Variants in THADA observed in about 807,000 individuals in gnomAD.
THADA encodes the protein THADA armadillo repeat containing, also known as tRNA (32-2'-O)-methyltransferase regulator THADA.
A neutral mutation model predicts 219.8 loss-of-function variants in THADA; 213 were observed. The observed-to-expected ratio is 0.97, with a 90% CI of 0.87 to 1.09. The LOEUF (loss-of-function observed/expected upper bound fraction) is 1.09. Ranked by LOEUF, THADA falls within the 50% of genes least tolerant of loss-of-function variation. THADA has a pLI of 0.00. For missense variants in THADA, 2,956 were observed against 2,311.3 expected, an observed-to-expected ratio of 1.28 and a Z score of -5.72; for synonymous variants, 1,018 against 828.9, an observed-to-expected ratio of 1.23 and a Z score of -3.92.
chr2:43,363,646 G>A (rs79173987), intron 29 of THADA, among the ~76,000 whole-genome samples: 2 of 152,316 alleles, frequency 1.3e-5, no homozygotes, highest in Non-Finnish European at 2.9e-5. Context: ...GAAAGACTGA[G>A]TTCAGCTTAG....
rs368833762 is a variant in THADA at position 43,586,831 on chromosome 2, G to C, written c.451+23C>G. Reference sequence around the variant, plus strand: ...TGATGAGAGGGGTTAGCCAGAAAAAGGACTAGAAAAGTGCAGCCTTACCCA... The same window carrying C: ...TGATGAGAGGGGTTAGCCAGAAAAACGACTAGAAAAGTGCAGCCTTACCCA... On this transcript the variant is annotated intron_variant, in intron 5 of 37. Coordinates refer to ENST00000405975, the MANE Select transcript of THADA (RefSeq NM_022065.5). 1.9e-6 allele frequency: 3 copies of C among 1,612,098 alleles called. No individual in the cohort carries two copies. The African/African-American group carries it at 4.0e-5, about 22-fold the overall frequency.
intron 22 of THADA, among the ~76,000 whole-genome samples, chr2:43,514,436 G>A (rs937952545): frequency 2.1e-5 from 3 of 143,062 alleles, no homozygotes; most frequent in African/African-American, 7.8e-5. Context: ...GGGTGACAGA[G>A]TGAGACCCTG....
chr2:43,291,482 A>AAAAAAAAAAAAAG (rs1674711254), intron 34 of THADA, among the ~76,000 whole-genome samples: 1 of 142,204 alleles, frequency 7.0e-6, no homozygotes, highest in African/African-American at 2.7e-5. Flanking sequence ...AAAAAAAAAA[A>AAAAAAAAAAAAAG]TCCTAAAACA....
intron 30 of THADA, 37 bp downstream of exon 30, chr2:43,344,085 C>G (rs754576176): frequency 7.0e-7 from 1 of 1,438,724 alleles, no homozygotes; most frequent in Non-Finnish European, 9.7e-7. Context: ...ATTCCTAACC[C>G]CTGATAACTC....
chr2:43,393,401 C>T (rs1475182330), intron 29 of THADA, among the ~76,000 whole-genome samples: 1 of 152,126 alleles, frequency 6.6e-6, no homozygotes, highest in African/African-American at 2.4e-5. Flanking sequence ...GGAACACAGG[C>T]TTTAGAGTTT....
rs764049490 is a variant in THADA, at chr2:43,541,180, A to G, written c.3243T>C (p.Asp1081=). Residue 1081 remains aspartate, a synonymous_variant, in exon 21 of 38, where the codon GAT becomes GAC. Transcript: ENST00000405975. ...TTACCTGCTCCACCGTCAATAATCC[A>G]TCAGAAGATTCTGGCACAGGCTGCA... is the stretch of plus-strand genomic sequence containing the variant. ...LPMQPVPESS[D]GLLTVEQVKE... 6.3e-7 allele frequency: 1 copy of G among 1,595,030 alleles called. No individual in the cohort carries two copies. Among genetic ancestry groups the G allele is most frequent in the Non-Finnish European group, 8.5e-7 (1 of 1,173,864 alleles).
chr2:43,527,598 T>A (rs1405885503), intron 22 of THADA, among the ~76,000 whole-genome samples: 1 of 148,148 alleles, frequency 6.8e-6, no homozygotes. Flanking sequence ...TTTCATTCAA[T>A]AAAAAAAAAA....
At chr2:43,305,950 TTCCC>T (rs956417220) in intron 31 of THADA, among the ~76,000 whole-genome samples, 49 of 146,626 alleles carry the variant, frequency 3.3e-4, no homozygotes, top group East Asian at 2.2e-3. Flanking sequence ...CCCTCCCTTC[TTCCC>T]TCCCTCCCTC....
chr2:43,423,935 A>G (rs1175668596), intron 28 of THADA, among the ~76,000 whole-genome samples: 2 of 152,206 alleles, frequency 1.3e-5, no homozygotes, highest in Non-Finnish European at 2.9e-5. Flanking sequence ...TTTTTAAAGC[A>G]TGAATTATTC....
chr2:43,566,190 C>CTTG, intron 15 of THADA: 1 of 392,458 alleles, frequency 2.5e-6, no homozygotes, highest in Non-Finnish European at 4.5e-6. Context: ...GAGAACCACA[C>CTTG]AGAAGGAAAA....
chr2:43,282,208 T>C (rs908213058), intron 35 of THADA, among the ~76,000 whole-genome samples: 1 of 152,226 alleles, frequency 6.6e-6, no homozygotes, highest in Non-Finnish European at 1.5e-5. Flanking sequence ...TTAACTTTAC[T>C]GGAGAAGCTT....
Position 43,560,337 on chromosome 2 carries a change from C to T in THADA, c.2360G>A (p.Arg787His), listed in dbSNP as rs763097281. The T allele has an allele frequency of 1.7e-5, 28 of 1,611,684 alleles. No homozygotes were observed. Among genetic ancestry groups the T allele is most frequent in the Admixed American group, 1.7e-4 (10 of 59,770 alleles). ...AAAACATTCCATTAGTGTTTGGAAA[C>T]GACCAACATCAATATCATGACTCAG... is the stretch of plus-strand genomic sequence containing the variant. ...YQLSHDIDVGRFQTLMECFTS... is the reference protein window; with the variant it reads ...YQLSHDIDVGHFQTLMECFTS... The change falls in exon 16 of 38, where the codon CGT becomes CAT. Residue 787 changes from arginine (R) to histidine (H), a missense_variant. Coordinates refer to ENST00000405975, the MANE Select transcript of THADA (RefSeq NM_022065.5).
At chr2:43,512,220 T>C (rs909675650) in intron 22 of THADA, among the ~76,000 whole-genome samples, 5 of 152,172 alleles carry the variant, frequency 3.3e-5, no homozygotes, top group Non-Finnish European at 7.3e-5. Flanking sequence ...TCCTACCATC[T>C]AGTCCAAACC....
intron 36 of THADA, among the ~76,000 whole-genome samples, chr2:43,248,162 TATAGAGAGAGAGAGAGAGAG>T (rs1438642914): frequency 5.6e-3 from 247 of 44,356 alleles, no homozygotes; most frequent in African/African-American, 5.7e-3. Context: ...TATATATATA[TATAGAGAGAGAGAGAGAGAG>T]AGAGAGAGAG....
At chr2:43,280,389 T>A (rs1008792718) in intron 35 of THADA, among the ~76,000 whole-genome samples, 7 of 152,064 alleles carry the variant, frequency 4.6e-5, no homozygotes, top group Non-Finnish European at 7.4e-5. Context: ...ATCCCAGCAC[T>A]TTGGGAGGAC....
At chr2:43,270,688 T>C (rs1187165895) in intron 36 of THADA, among the ~76,000 whole-genome samples, 1 of 152,110 alleles carries the variant, frequency 6.6e-6, no homozygotes, top group Non-Finnish European at 1.5e-5. Context: ...CTTCTGCATA[T>C]TCACATTTAA....
At chr2:43,244,078 A>G (rs548501789) in intron 36 of THADA, among the ~76,000 whole-genome samples, 4 of 152,334 alleles carry the variant, frequency 2.6e-5, no homozygotes, top group Admixed American at 2.0e-4. Context: ...TAAAGTTAAA[A>G]TAACTATGAT....
rs545890179 is a variant in THADA at position 43,455,480 on chromosome 2, T to C, written c.3837-25178A>G. On this transcript the variant is annotated intron_variant, in intron 26 of 37. Transcript: ENST00000405975. ...CTGTCCGTCATACAAACACACTTTC[T>C]CTCTTGCATAAGCACGTGCTCTCGC... 6.6e-5 allele frequency among the ~76,000 whole-genome samples: 10 copies of C among 151,840 alleles called. No individual in the cohort carries two copies. In the East Asian group the frequency reaches 1.9e-3, roughly 29 times the overall value.
chr2:43,253,294 G>A (rs1266781155), intron 36 of THADA, among the ~76,000 whole-genome samples: 1 of 152,166 alleles, frequency 6.6e-6, no homozygotes, highest in Admixed American at 6.5e-5. Context: ...TGAAGGATGT[G>A]TGCAGGGGAA....
Sources: gnomAD v4.1 joint callset for allele counts (sites outside exome capture counted in the v4.1 genomes callset) on GRCh38, gnomAD v4.1.1 for gene constraint, MANE v1.5 for transcripts, NCBI Gene and HGNC (gene_info 2026-07-23, HGNC 2026-07-21) for gene names.